ARHGAP18: variants seen among roughly 807,000 people sequenced by gnomAD.
ARHGAP18 encodes Rho GTPase activating protein 18, also known as rho GTPase-activating protein 18.
ARHGAP18 carries 67 observed loss-of-function variants against 86.2 expected under a neutral mutation model. That is an observed-to-expected ratio of 0.78 (90% CI 0.64 to 0.95). ARHGAP18 has a LOEUF of 0.95. Among genes scored for constraint, ARHGAP18 ranks in the 40% least tolerant of loss-of-function variants. ARHGAP18 has a pLI of 0.00. For synonymous variants in ARHGAP18, 283 were observed against 280.4 expected (o/e 1.01, Z -0.09); for missense variants, 691 against 780.4 (o/e 0.89, Z 1.37).
chr6:129,605,989 T>C, intron 9 of ARHGAP18, 30 bp from the exon 10 acceptor site: 1 of 1,587,526 alleles, frequency 6.3e-7, no homozygotes. Flanking sequence ...ATCTGAACTC[T>C]TTTCTTCAGT....
chr6:129,591,622 A>G (rs559377891), intron 12 of ARHGAP18, among the ~76,000 whole-genome samples: 15 of 152,304 alleles, frequency 9.8e-5, no homozygotes, highest in African/African-American at 3.6e-4. Context: ...TTCATAAGGT[A>G]TCTAAAAACA....
chr6:129,692,607 T>C (rs1774546858), intron 1 of ARHGAP18, among the ~76,000 whole-genome samples: 1 of 152,024 alleles, frequency 6.6e-6, no homozygotes, highest in South Asian at 2.1e-4. Flanking sequence ...GCAGCAACAG[T>C]TTGAGTGGAC....
rs1353259170 is a variant in ARHGAP18, at chr6:129,576,686, A to G, written c.*1827T>C. 2.6e-5 allele frequency: 4 copies of G among 152,132 alleles called. No individual in the cohort carries two copies. Among genetic ancestry groups the G allele is most frequent in the African/African-American group, 9.7e-5 (4 of 41,426 alleles). 9.4% of individuals were successfully genotyped at this position (152,132 alleles called of 1,614,324 possible). On this transcript the variant is annotated 3_prime_UTR_variant, in exon 15 of 15. Coordinates refer to ENST00000368149, the MANE Select transcript of ARHGAP18 (RefSeq NM_033515.3). ...AAACGTTGCGAAATTTAGTTGGCATATGCTTCAGACAACCTTTTACTTAAA... is the reference window on the plus strand; with the variant it reads ...AAACGTTGCGAAATTTAGTTGGCATGTGCTTCAGACAACCTTTTACTTAAA...
At chr6:129,601,950 A>G (rs918305417) in intron 10 of ARHGAP18, among the ~76,000 whole-genome samples, 2 of 152,086 alleles carry the variant, frequency 1.3e-5, no homozygotes, top group Admixed American at 1.3e-4. Context: ...TTTAAAATGA[A>G]TGAAAAGAAA....
chr6:129,604,401 A>G (rs1336615457), intron 10 of ARHGAP18, among the ~76,000 whole-genome samples: 2 of 152,072 alleles, frequency 1.3e-5, no homozygotes, highest in Non-Finnish European at 2.9e-5. Flanking sequence ...TCCTCCTACA[A>G]CTACTTGAAC....
At chr6:129,639,279 G>A (rs1773397599) in intron 2 of ARHGAP18, among the ~76,000 whole-genome samples, 1 of 152,104 alleles carries the variant, frequency 6.6e-6, no homozygotes, top group Admixed American at 6.5e-5. Flanking sequence ...CTGAAAGCAG[G>A]AAATATTCAT....
At chr6:129,638,246 T>G in intron 3 of ARHGAP18, 148 bp downstream of exon 3, 1 of 761,596 alleles carries the variant, frequency 1.3e-6, no homozygotes, top group Non-Finnish European at 2.1e-6. Context: ...AGGAAGCAAG[T>G]CTCTCTTGTT....
chr6:129,605,170 C>G (rs1177124620), intron 10 of ARHGAP18, among the ~76,000 whole-genome samples: 1 of 151,684 alleles, frequency 6.6e-6, no homozygotes, highest in Non-Finnish European at 1.5e-5. Flanking sequence ...ATAATTAAAC[C>G]TTTTACAACT....
chr6:129,587,211 C>G (rs1199481362), intron 12 of ARHGAP18, among the ~76,000 whole-genome samples: 1 of 152,084 alleles, frequency 6.6e-6, no homozygotes, highest in South Asian at 2.1e-4. Flanking sequence ...GGAACAATGT[C>G]TAAAAGAAAC....
intron 6 of ARHGAP18, among the ~76,000 whole-genome samples, chr6:129,618,152 A>G (rs1334369889): frequency 6.6e-6 from 1 of 152,142 alleles, no homozygotes; most frequent in Non-Finnish European, 1.5e-5. Flanking sequence ...TGATGAGTAC[A>G]ATCTAGTGGT....
intron 1 of ARHGAP18, among the ~76,000 whole-genome samples, chr6:129,673,560 T>C (rs1251300074): frequency 6.6e-6 from 1 of 152,234 alleles, no homozygotes; most frequent in African/African-American, 2.4e-5. Context: ...TTTTAAGCTC[T>C]TATCTGTCTC....
chr6:129,583,904 A>AAAT, intron 13 of ARHGAP18, 84 bp downstream of exon 13: 1 of 1,427,256 alleles, frequency 7.0e-7, no homozygotes, highest in Non-Finnish European at 9.4e-7. Context: ...AAAAAAAAAA[A>AAAT]GGAAGAAGAA....
chr6:129,661,595 T>C (rs1267300728), intron 1 of ARHGAP18, among the ~76,000 whole-genome samples: 1 of 151,728 alleles, frequency 6.6e-6, no homozygotes, highest in Non-Finnish European at 1.5e-5. Flanking sequence ...AGCAGCTAAC[T>C]GACTTCAGGC....
At chr6:129,648,849 T>C (rs1773639114) in intron 1 of ARHGAP18, among the ~76,000 whole-genome samples, 1 of 152,202 alleles carries the variant, frequency 6.6e-6, no homozygotes, top group Non-Finnish European at 1.5e-5. Flanking sequence ...TACTGTGTAA[T>C]GGCCTTGTCC....
chr6:129,619,633 G>A, intron 5 of ARHGAP18, among the ~76,000 whole-genome samples: 1 of 136,920 alleles, frequency 7.3e-6, no homozygotes, highest in East Asian at 2.2e-4. Context: ...GGACGGGAAG[G>A]GGATGGGGGA....
At chr6:129,662,603 C>T (rs1773975216) in intron 1 of ARHGAP18, among the ~76,000 whole-genome samples, 1 of 152,204 alleles carries the variant, frequency 6.6e-6, no homozygotes, top group Admixed American at 6.5e-5. Context: ...CCATGTGAAG[C>T]CTTCTTTCTG....
intron 3 of ARHGAP18, among the ~76,000 whole-genome samples, chr6:129,635,279 C>T (rs904179840): frequency 3.3e-5 from 5 of 152,190 alleles, no homozygotes; most frequent in Admixed American, 6.5e-5. Flanking sequence ...CGAAGGACTT[C>T]ATCCTCCACC....
intron 1 of ARHGAP18, among the ~76,000 whole-genome samples, chr6:129,691,280 TG>T (rs1372201833): frequency 2.6e-5 from 4 of 152,182 alleles, no homozygotes; most frequent in African/African-American, 9.7e-5. Context: ...CTCACCAGCA[TG>T]GGGCCCTTAG....
Position 129,577,007 on chromosome 6 carries a change from CA to C in ARHGAP18, c.*1505del, listed in dbSNP as rs1479794751. The C allele has an allele frequency of 6.7e-6, 1 of 149,334 alleles. No individual in the cohort carries two copies. The highest frequency in any genetic ancestry group is 6.7e-5 in the Admixed American group (1 of 14,906). 9.3% of individuals were successfully genotyped at this position (149,334 alleles called of 1,614,324 possible). A position where few individuals can be genotyped will look rare whatever the true frequency, so the allele number is the denominator to read the frequency against. ...AGAAAATAGAGGTGACTTTTAATAA[CA>C]AAAAAGTCCATTTCTCAATATTAAT... is the stretch of plus-strand genomic sequence containing the variant. On this transcript the variant is annotated 3_prime_UTR_variant, in exon 15 of 15. Transcript: ENST00000368149.
Sources: allele counts gnomAD v4.1 joint callset (sites outside exome capture counted in the v4.1 genomes callset), GRCh38; gene constraint gnomAD v4.1.1; transcripts MANE v1.5; gene names NCBI Gene and HGNC (gene_info 2026-07-23, HGNC 2026-07-21).